ZDHHC14: variants seen among roughly 807,000 people sequenced by gnomAD.
The protein encoded by ZDHHC14 is zDHHC palmitoyltransferase 14.
A neutral mutation model predicts 47.7 loss-of-function variants in ZDHHC14; 16 were observed. The observed-to-expected ratio is 0.34, with a 90% CI of 0.23 to 0.51. The LOEUF is 0.51. Ranked by LOEUF, ZDHHC14 falls within the 20% of genes least tolerant of loss-of-function variation. ZDHHC14 has a pLI of 0.97. For synonymous variants in ZDHHC14, 293 were observed against 278.9 expected, an observed-to-expected ratio of 1.05 and a Z score of -0.50; for missense variants, 515 against 662.5, an observed-to-expected ratio of 0.78 and a Z score of 2.44.
intron 2 of ZDHHC14, among the ~76,000 whole-genome samples, chr6:157,573,499 G>A (rs1343037221): frequency 6.6e-6 from 1 of 152,178 alleles, no homozygotes; most frequent in East Asian, 1.9e-4. Context: ...ATCTCTATGC[G>A]GGACATGCCC....
At chr6:157,544,239 G>A (rs1781876388) in intron 2 of ZDHHC14, among the ~76,000 whole-genome samples, 1 of 152,218 alleles carries the variant, frequency 6.6e-6, no homozygotes, top group Admixed American at 6.5e-5. Flanking sequence ...CAGTGCAAGG[G>A]CCCAGCTCCC....
intron 1 of ZDHHC14, among the ~76,000 whole-genome samples, chr6:157,441,449 T>C (rs966677659): frequency 1.3e-5 from 2 of 152,120 alleles, no homozygotes; most frequent in Admixed American, 1.3e-4. Context: ...TGTGTGGGAG[T>C]GAGGAAAGGA....
chr6:157,422,809 CT>C (rs2114771971), intron 1 of ZDHHC14, among the ~76,000 whole-genome samples: 1 of 152,208 alleles, frequency 6.6e-6, no homozygotes, highest in East Asian at 1.9e-4. Context: ...AATTTTGTAC[CT>C]TTTTATTCTG....
At chr6:157,593,519 A>C (rs1784000810) in intron 3 of ZDHHC14, among the ~76,000 whole-genome samples, 1 of 152,126 alleles carries the variant, frequency 6.6e-6, no homozygotes, top group South Asian at 2.1e-4. Flanking sequence ...AGCTCCTCAG[A>C]GGGGCTGGGG....
At chr6:157,572,669 G>A (rs1052840653) in intron 2 of ZDHHC14, among the ~76,000 whole-genome samples, 2 of 112,356 alleles carry the variant, frequency 1.8e-5, no homozygotes, top group Non-Finnish European at 3.4e-5. Flanking sequence ...AACAGTCCCC[G>A]GTGTGTGATG....
intron 1 of ZDHHC14, among the ~76,000 whole-genome samples, chr6:157,408,795 G>T (rs1031786527): frequency 6.6e-6 from 1 of 152,174 alleles, no homozygotes; most frequent in African/African-American, 2.4e-5. Context: ...TATAAAAAAT[G>T]ATTTATAGTC....
intron 1 of ZDHHC14, among the ~76,000 whole-genome samples, chr6:157,458,086 C>G (rs186036926): frequency 6.6e-6 from 1 of 152,242 alleles, no homozygotes; most frequent in Non-Finnish European, 1.5e-5. Flanking sequence ...CCTCCTCTTT[C>G]TGCACTCGGT....
intron 2 of ZDHHC14, among the ~76,000 whole-genome samples, chr6:157,563,277 G>A (rs895485567): frequency 6.6e-6 from 1 of 152,214 alleles, no homozygotes; most frequent in African/African-American, 2.4e-5. Context: ...TTCCTGGAAA[G>A]GCCCCTGCCC....
chr6:157,409,595 G>A (rs1274147435), intron 1 of ZDHHC14, among the ~76,000 whole-genome samples: 2 of 152,180 alleles, frequency 1.3e-5, no homozygotes, highest in African/African-American at 2.4e-5. Flanking sequence ...GGGAACATAC[G>A]CTATGCCAGG....
At chr6:157,499,129 A>G (rs900288024) in intron 1 of ZDHHC14, among the ~76,000 whole-genome samples, 1 of 152,038 alleles carries the variant, frequency 6.6e-6, no homozygotes, top group Admixed American at 6.5e-5. Flanking sequence ...AAACTCTTGT[A>G]GCTAAACTTC....
intron 2 of ZDHHC14, among the ~76,000 whole-genome samples, chr6:157,576,635 A>G (rs1783318239): frequency 6.6e-6 from 1 of 152,202 alleles, no homozygotes; most frequent in Non-Finnish European, 1.5e-5. Context: ...CAACAGCTGT[A>G]CTCCAGCAAA....
chr6:157,566,102 C>T (rs1490285025), intron 2 of ZDHHC14, among the ~76,000 whole-genome samples: 1 of 152,142 alleles, frequency 6.6e-6, no homozygotes, highest in East Asian at 1.9e-4. Context: ...AAATGTTATG[C>T]CGATGTTACC....
intron 1 of ZDHHC14, among the ~76,000 whole-genome samples, chr6:157,417,439 T>A (rs1474129115): frequency 2.6e-5 from 4 of 152,170 alleles, no homozygotes; most frequent in Non-Finnish European, 5.9e-5. Context: ...ATAGAACCCC[T>A]CTCCCTTTTT....
chr6:157,616,257 CA>C lies in ZDHHC14; in HGVS notation c.566-12091del, dbSNP rs201693739. ...GCAAGACAGGAGAGATCAGAGAGAC[CA>C]TGACCACCTCCTGCTGACCACCTGG... On this transcript the variant is annotated intron_variant, in intron 3 of 8. Transcript: ENST00000359775. 4.1e-3 allele frequency among the ~76,000 whole-genome samples: 626 copies of C among 152,250 alleles called. 8 individuals carry two copies. Among genetic ancestry groups the C allele is most frequent in the African/African-American group, 0.014 (563 of 41,542 alleles).
chr6:157,636,019 C>G (rs769268806), intron 5 of ZDHHC14, among the ~76,000 whole-genome samples: 4 of 152,090 alleles, frequency 2.6e-5, no homozygotes, highest in African/African-American at 9.7e-5. Flanking sequence ...CAGGAGTTCC[C>G]GGCACCTCCT....
At chr6:157,628,566 T>C in intron 4 of ZDHHC14, 80 bp downstream of exon 4, 11 of 1,557,002 alleles carry the variant, frequency 7.1e-6, no homozygotes, top group Non-Finnish European at 9.5e-6. Context: ...TGATTTAATA[T>C]TTTGGTCATT....
intron 2 of ZDHHC14, among the ~76,000 whole-genome samples, chr6:157,556,256 G>T (rs1355916112): frequency 6.6e-6 from 1 of 151,916 alleles, no homozygotes. Context: ...CAGGGGTGGG[G>T]GGTGGAGGGT....
At chr6:157,504,044 T>C (rs991509792) in intron 1 of ZDHHC14, among the ~76,000 whole-genome samples, 1 of 152,076 alleles carries the variant, frequency 6.6e-6, no homozygotes, top group Non-Finnish European at 1.5e-5. Context: ...TGATAACTGT[T>C]CACAATAGCA....
chr6:157,521,549 G>A (rs1369938812), intron 1 of ZDHHC14, among the ~76,000 whole-genome samples: 1 of 152,208 alleles, frequency 6.6e-6, no homozygotes, highest in Non-Finnish European at 1.5e-5. Context: ...GCACCTTCTA[G>A]CTGTGCCCTC....
Sources: allele counts gnomAD v4.1 joint callset (sites outside exome capture counted in the v4.1 genomes callset), GRCh38; gene constraint gnomAD v4.1.1; transcripts MANE v1.5; gene names NCBI Gene and HGNC (gene_info 2026-07-23, HGNC 2026-07-21).